AGMO: variants seen among roughly 807,000 people sequenced by gnomAD.
The protein encoded by AGMO is alkylglycerol monooxygenase.
In AGMO, 75 loss-of-function variants were observed where a neutral mutation model predicts 60.2. The ratio of observed to expected loss-of-function variants is 1.25; its 90% CI spans 1.03 to 1.51. The LOEUF (loss-of-function observed/expected upper bound fraction) is 1.51. Among genes scored for constraint, AGMO ranks in the 40% most tolerant of loss-of-function variants. AGMO has a pLI of 0.00. For missense variants in AGMO, 763 were observed against 525.5 expected, an observed-to-expected ratio of 1.45 and a Z score of -4.42; for synonymous variants, 261 against 177.1, an observed-to-expected ratio of 1.47 and a Z score of -3.76.
At chr7:15,305,975 T>C (rs947099252) in intron 12 of AGMO, among the ~76,000 whole-genome samples, 3 of 152,020 alleles carry the variant, frequency 2.0e-5, no homozygotes, top group African/African-American at 4.8e-5. Flanking sequence ...AAGTATCTTA[T>C]TTTTTTCTGG....
chr7:15,425,024 T>G (rs897295411), intron 4 of AGMO, among the ~76,000 whole-genome samples: 15 of 152,226 alleles, frequency 9.9e-5, no homozygotes, highest in African/African-American at 3.4e-4. Flanking sequence ...TGCAGTCTCA[T>G]ATGTAATATA....
At chr7:15,372,363 A>T (rs1214146165) in intron 10 of AGMO, among the ~76,000 whole-genome samples, 2 of 152,270 alleles carry the variant, frequency 1.3e-5, no homozygotes, top group African/African-American at 4.8e-5. Flanking sequence ...AGGCAGGAGT[A>T]AACTACTGTT....
intron 5 of AGMO, among the ~76,000 whole-genome samples, chr7:15,418,200 T>C (rs528821928): frequency 1.9e-4 from 29 of 152,174 alleles, no homozygotes; most frequent in Admixed American, 1.9e-3. Flanking sequence ...TATATTTATA[T>C]ATACACATAT....
At chr7:15,361,444 G>A (rs1782749807) in intron 12 of AGMO, among the ~76,000 whole-genome samples, 1 of 151,072 alleles carries the variant, frequency 6.6e-6, no homozygotes, top group Non-Finnish European at 1.5e-5. Context: ...GGAAGCTGAG[G>A]TGGGAGAATG....
chr7:15,524,620 TG>T (rs1267654694), intron 3 of AGMO, among the ~76,000 whole-genome samples: 1 of 152,122 alleles, frequency 6.6e-6, no homozygotes, highest in Non-Finnish European at 1.5e-5. Context: ...CCTAGCACTT[TG>T]GGAGGCCAAG....
At chr7:15,196,151 T>G (rs1781111163), downstream of AGMO, among the ~76,000 whole-genome samples, 1 of 151,952 alleles carries the variant, frequency 6.6e-6, no homozygotes, top group South Asian at 2.1e-4. Flanking sequence ...CGAGCGATTC[T>G]TCTGTCTCAG....
chr7:15,505,600 C>T (rs903077937), intron 3 of AGMO, among the ~76,000 whole-genome samples: 3 of 151,992 alleles, frequency 2.0e-5, no homozygotes, highest in Admixed American at 6.6e-5. Context: ...TTTTGTTACA[C>T]AGTTGTGAAA....
At chr7:15,332,420 A>G (rs1295463606) in intron 12 of AGMO, among the ~76,000 whole-genome samples, 1 of 152,134 alleles carries the variant, frequency 6.6e-6, no homozygotes, top group Non-Finnish European at 1.5e-5. Context: ...AATGAAGCTA[A>G]AAGACACCAT....
In AGMO at chr7:15,536,085, T is replaced by C. The variant is rs975630279; in HGVS notation, c.409+8687A>G. ...AACAATATAAAAAACATGTATTCAA[T>C]AACAGTGGTAATATTTAAATAGTAT... On this transcript the variant is annotated intron_variant, in intron 3 of 12. Coordinates refer to ENST00000342526, the MANE Select transcript of AGMO (RefSeq NM_001004320.2). Among the ~76,000 whole-genome samples the C allele has an allele frequency of 2.0e-5, 3 of 151,908 alleles. 1 individual carries two copies. The highest frequency in any genetic ancestry group is 4.4e-5 in the Non-Finnish European group (3 of 67,850).
At chr7:15,493,364 T>TACACACA (rs1783125081) in intron 3 of AGMO, among the ~76,000 whole-genome samples, 1 of 28,952 alleles carries the variant, frequency 3.5e-5, no homozygotes, top group African/African-American at 2.3e-4. Flanking sequence ...CACACACACT[T>TACACACA]CTTTTTTTTT....
the AGMO span, among the ~76,000 whole-genome samples, chr7:15,153,869 G>A: frequency 6.6e-6 from 1 of 152,052 alleles, no homozygotes; most frequent in African/African-American, 2.4e-5. Context: ...CTAGTTATGT[G>A]AAGAATAATG....
chr7:15,486,561 G>A (rs1782926780), intron 3 of AGMO, among the ~76,000 whole-genome samples: 1 of 152,036 alleles, frequency 6.6e-6, no homozygotes, highest in African/African-American at 2.4e-5. Context: ...TTAAATGTAA[G>A]CAAACTGACA....
At chr7:15,405,275 T>G (rs1420898173) in intron 5 of AGMO, among the ~76,000 whole-genome samples, 1 of 151,882 alleles carries the variant, frequency 6.6e-6, no homozygotes, top group Non-Finnish European at 1.5e-5. Context: ...GTTCATTCAT[T>G]AAAAAGATGT....
chr7:15,519,771 G>C (rs566174187), intron 3 of AGMO, among the ~76,000 whole-genome samples: 1 of 152,010 alleles, frequency 6.6e-6, no homozygotes, highest in African/African-American at 2.4e-5. Flanking sequence ...TAACCAGCTA[G>C]TATCATAATG....
At chr7:15,550,423 G>C (rs1156831049) in intron 2 of AGMO, among the ~76,000 whole-genome samples, 1 of 152,038 alleles carries the variant, frequency 6.6e-6, no homozygotes, top group Non-Finnish European at 1.5e-5. Flanking sequence ...CCGCTAGCAA[G>C]ACTAATAAAG....
chr7:15,371,628 C>A (rs1282223638), intron 10 of AGMO, among the ~76,000 whole-genome samples: 1 of 152,238 alleles, frequency 6.6e-6, no homozygotes, highest in Non-Finnish European at 1.5e-5. Flanking sequence ...GAACTCCTGA[C>A]CTCAGGTGAT....
chr7:15,388,199 A>T (rs1326007205), intron 8 of AGMO, among the ~76,000 whole-genome samples: 1 of 152,190 alleles, frequency 6.6e-6, no homozygotes, highest in Non-Finnish European at 1.5e-5. Context: ...TTAAAATATG[A>T]CAATAAGGAA....
chr7:15,345,451 A>G (rs1782000476), intron 12 of AGMO, among the ~76,000 whole-genome samples: 1 of 152,208 alleles, frequency 6.6e-6, no homozygotes, highest in South Asian at 2.1e-4. Flanking sequence ...AGGAAATCTT[A>G]TCACATGCCA....
intron 3 of AGMO, among the ~76,000 whole-genome samples, chr7:15,431,464 G>A (rs1032795318): frequency 2.6e-5 from 4 of 151,676 alleles, no homozygotes; most frequent in Admixed American, 6.6e-5. Context: ...TACATTCAAC[G>A]GATAGTGATG....
Sources: gnomAD v4.1 joint callset for allele counts (sites outside exome capture counted in the v4.1 genomes callset) on GRCh38, gnomAD v4.1.1 for gene constraint, MANE v1.5 for transcripts, NCBI Gene and HGNC (gene_info 2026-07-23, HGNC 2026-07-21) for gene names.